Variants in PDK1 observed in about 807,000 individuals in gnomAD.
The protein encoded by PDK1 is [Pyruvate dehydrogenase (acetyl-transferring)] kinase isozyme 1, mitochondrial.
A neutral mutation model predicts 54.2 loss-of-function variants in PDK1; 39 were observed. That is an observed-to-expected ratio of 0.72 (90% CI 0.56 to 0.94). PDK1 has a LOEUF of 0.94. Among genes scored for constraint, PDK1 ranks in the 40% least tolerant of loss-of-function variants. The pLI is 0.00. For synonymous variants in PDK1, 221 were observed against 207.1 expected (o/e 1.07, Z -0.58); for missense variants, 552 against 566.0 (o/e 0.98, Z 0.25).
the PDK1 span, among the ~76,000 whole-genome samples, chr2:172,632,901 G>T: frequency 2.1e-5 from 3 of 143,566 alleles, no homozygotes; most frequent in African/African-American, 5.1e-5. Flanking sequence ...AATTGCTTGA[G>T]CCTGGGAGGC....
the PDK1 span, among the ~76,000 whole-genome samples, chr2:172,622,723 T>C: frequency 0.1 from 12,319 of 122,410 alleles, 1,474 homozygotes; most frequent in African/African-American, 0.29. Context: ...GTGAGATATG[T>C]TTATATCTCA....
intron 3 of PDK1, among the ~76,000 whole-genome samples, chr2:172,563,823 A>G (rs1688786741): frequency 6.6e-6 from 1 of 152,064 alleles, no homozygotes; most frequent in South Asian, 2.1e-4. Context: ...AACAAGAGCA[A>G]AATTCCATCT....
chr2:172,663,112 G>T, the PDK1 span, among the ~76,000 whole-genome samples: 1 of 152,192 alleles, frequency 6.6e-6, no homozygotes, highest in Admixed American at 6.5e-5. Context: ...CATTCTAAAG[G>T]CTAGGAGTCT....
At chr2:172,575,280 G>C (rs922739208) in intron 8 of PDK1, among the ~76,000 whole-genome samples, 5 of 152,122 alleles carry the variant, frequency 3.3e-5, no homozygotes, top group Non-Finnish European at 5.9e-5. Context: ...TTATTGGTCT[G>C]TAGTTTCTTG....
chr2:172,696,190 A>G, the PDK1 span, among the ~76,000 whole-genome samples: 196 of 139,068 alleles, frequency 1.4e-3, 1 homozygote, highest in East Asian at 0.026. Context: ...AAAAAAAAAG[A>G]AAAAAAAAAG....
chr2:172,703,766 C>CTTTTTTTTTTTTTTTTTTTTTTTTTTCT, the PDK1 span, among the ~76,000 whole-genome samples: 3 of 89,120 alleles, frequency 3.4e-5, no homozygotes, highest in Non-Finnish European at 4.2e-5. Flanking sequence ...TTCTTTCTTT[C>CTTTTTTTTTTTTTTTTTTTTTTTTTTCT]TTTTTTTTTT....
At chr2:172,586,427 T>C (rs1284826765) in intron 9 of PDK1, 39 bp downstream of exon 9, 2 of 1,277,666 alleles carry the variant, frequency 1.6e-6, no homozygotes, top group Non-Finnish European at 2.3e-6. Flanking sequence ...TTTCTGTGAA[T>C]TGCCTTCCAC....
At chr2:172,613,456 TA>T (rs1205053859), downstream of PDK1, among the ~76,000 whole-genome samples, 1 of 152,136 alleles carries the variant, frequency 6.6e-6, no homozygotes, top group African/African-American at 2.4e-5. Flanking sequence ...TTTTTGCTGC[TA>T]ATTCCTTTTT....
At chr2:172,566,979 C>A in intron 6 of PDK1, 46 bp downstream of exon 6, 1 of 1,225,126 alleles carries the variant, frequency 8.2e-7, no homozygotes, top group Non-Finnish European at 1.2e-6. Context: ...GCTTTGATTA[C>A]TTGATAAGGG....
the PDK1 span, among the ~76,000 whole-genome samples, chr2:172,659,586 C>T: frequency 6.6e-6 from 1 of 152,124 alleles, no homozygotes; most frequent in Non-Finnish European, 1.5e-5. Context: ...AATTTTGCCT[C>T]CCCTACATTA....
At chr2:172,661,661 T>G in the PDK1 span, among the ~76,000 whole-genome samples, 13 of 152,356 alleles carry the variant, frequency 8.5e-5, no homozygotes, top group Non-Finnish European at 2.9e-5. Context: ...TGCAGCAACA[T>G]GGATGCAGCT....
the PDK1 span, among the ~76,000 whole-genome samples, chr2:172,693,404 G>A: frequency 6.6e-6 from 1 of 152,168 alleles, no homozygotes; most frequent in Non-Finnish European, 1.5e-5. Flanking sequence ...GGGTGACCCT[G>A]GGCAAGATAC....
At chr2:172,632,822 A>G in the PDK1 span, among the ~76,000 whole-genome samples, 3 of 151,706 alleles carry the variant, frequency 2.0e-5, no homozygotes, top group African/African-American at 7.3e-5. Context: ...TCTTCTAAAA[A>G]TAGAAAAATT....
chr2:172,679,482 T>C, the PDK1 span, among the ~76,000 whole-genome samples: 1 of 152,178 alleles, frequency 6.6e-6, no homozygotes, highest in Non-Finnish European at 1.5e-5. Flanking sequence ...AATATTTTAT[T>C]TTTCATTGTT....
chr2:172,647,588 T>A, the PDK1 span, among the ~76,000 whole-genome samples: 201 of 152,166 alleles, frequency 1.3e-3, no homozygotes, highest in Admixed American at 3.5e-3. Flanking sequence ...AAATAAATAA[T>A]TGAATGAATG....
Position 172,604,696 on chromosome 2 carries a change from A to G in PDK1, c.*8727A>G, listed in dbSNP as rs1691229271. The G allele has an allele frequency of 6.6e-6, 1 of 152,174 alleles. No homozygotes were observed. Among genetic ancestry groups the G allele is most frequent in the African/African-American group, 2.4e-5 (1 of 41,432 alleles). The allele number at this position is 152,174 out of a possible 1,614,324, so 9.4% of individuals were successfully genotyped here. A position where few individuals can be genotyped will look rare whatever the true frequency, so the allele number is the denominator to read the frequency against. On this transcript the variant is annotated 3_prime_UTR_variant, in exon 11 of 11. Transcript: ENST00000282077. ...AGTATGTCCAATGGCAACACCATGA[A>G]CTTGACTTTGCCCTCTTGTCTAGCC...
At chr2:172,653,977 C>A in the PDK1 span, among the ~76,000 whole-genome samples, 2 of 152,188 alleles carry the variant, frequency 1.3e-5, no homozygotes, top group Non-Finnish European at 1.5e-5. Flanking sequence ...TGAACAGACA[C>A]CTCTCAAAAG....
In PDK1 at chr2:172,576,289, T is replaced by G. The variant is rs1461870815; in HGVS notation, c.945+5465T>G. On this transcript the variant is annotated intron_variant, in intron 8 of 10. Coordinates refer to ENST00000282077, the MANE Select transcript of PDK1 (RefSeq NM_002610.5). ...TAGGTTATCTAATTATTACACACAA[T>G]TGTTCATAGTATTCCCTAATAATTC... is the stretch of plus-strand genomic sequence containing the variant. Among the ~76,000 whole-genome samples, 7 of 152,204 alleles carry G rather than the reference T, an allele frequency of 4.6e-5. No homozygotes were observed. The East Asian group carries it at 1.3e-3, about 29-fold the overall frequency.
chr2:172,695,386 C>T, the PDK1 span, among the ~76,000 whole-genome samples: 1 of 152,144 alleles, frequency 6.6e-6, no homozygotes, highest in Non-Finnish European at 1.5e-5. Context: ...GCCCTCTTGT[C>T]ATGCACACAA....
Sources: gnomAD v4.1 joint callset for allele counts (sites outside exome capture counted in the v4.1 genomes callset) on GRCh38, gnomAD v4.1.1 for gene constraint, MANE v1.5 for transcripts, NCBI Gene and HGNC (gene_info 2026-07-23, HGNC 2026-07-21) for gene names.